CSMD1: variants seen among roughly 807,000 people sequenced by gnomAD.
The protein encoded by CSMD1 is CUB and sushi domain-containing protein 1.
Under a neutral mutation model 417.5 loss-of-function variants are expected in CSMD1, and 213 were observed. The observed-to-expected ratio is 0.51, with a 90% CI of 0.46 to 0.57. The LOEUF is 0.57. Ranked by LOEUF, CSMD1 falls within the 20% of genes least tolerant of loss-of-function variation. CSMD1 has a pLI of 0.00. For missense variants in CSMD1, 6,923 were observed against 4,529.7 expected (o/e 1.53, Z -15.17); for synonymous variants, 2,862 against 1,736.8 (o/e 1.65, Z -16.11).
chr8:4,415,452 G>C (rs918587080), intron 3 of CSMD1, among the ~76,000 whole-genome samples: 1 of 145,832 alleles, frequency 6.9e-6, no homozygotes, highest in East Asian at 2.1e-4. Context: ...CGCTCTTCAG[G>C]TCGTGGCCTG....
At chr8:4,919,974 C>T (rs906150648) in intron 1 of CSMD1, among the ~76,000 whole-genome samples, 1 of 152,136 alleles carries the variant, frequency 6.6e-6, no homozygotes. Flanking sequence ...GACTTCCCAG[C>T]CTCCAGAACC....
rs34432095 is a variant in CSMD1, at chr8:3,373,952, ATTT to A, written c.2783-4585_2783-4583del. ...CTGAGTTGAAGTAAAGCATCCAACT[ATTT>A]TTTTTTTTTTTTTTTGAGATGGAGA... is the stretch of plus-strand genomic sequence containing the variant. On this transcript the variant is annotated intron_variant, in intron 18 of 69. Transcript: ENST00000635120. 6.6e-3 allele frequency among the ~76,000 whole-genome samples: 825 copies of A among 125,536 alleles called. 3 individuals are homozygous for A. The highest frequency in any genetic ancestry group is 9.7e-3 in the Non-Finnish European group (556 of 57,416). 82.4% of individuals were successfully genotyped at this position (125,536 alleles called of 152,430 possible). A position where few individuals can be genotyped will look rare whatever the true frequency, so the allele number is the denominator to read the frequency against.
At chr8:3,864,602 G>C (rs1430133653) in intron 5 of CSMD1, among the ~76,000 whole-genome samples, 1 of 152,086 alleles carries the variant, frequency 6.6e-6, no homozygotes, top group Non-Finnish European at 1.5e-5. Flanking sequence ...ATATCTCCTA[G>C]TGTTATCCCT....
chr8:4,540,291 T>C (rs1242047870), intron 2 of CSMD1, among the ~76,000 whole-genome samples: 2 of 152,082 alleles, frequency 1.3e-5, no homozygotes, highest in Non-Finnish European at 2.9e-5. Flanking sequence ...CATAAACATC[T>C]CACCAAAATT....
intron 2 of CSMD1, among the ~76,000 whole-genome samples, chr8:4,520,102 T>A (rs1803358553): frequency 6.6e-6 from 1 of 152,188 alleles, no homozygotes; most frequent in Non-Finnish European, 1.5e-5. Flanking sequence ...AGTCATGATG[T>A]TCTGGTTTTT....
chr8:4,316,210 A>G (rs1416747866), intron 3 of CSMD1, among the ~76,000 whole-genome samples: 1 of 152,174 alleles, frequency 6.6e-6, no homozygotes, highest in Non-Finnish European at 1.5e-5. Flanking sequence ...CCATATTCTA[A>G]AATTTTATGA....
At chr8:3,823,856 T>A (rs996016526) in intron 5 of CSMD1, among the ~76,000 whole-genome samples, 1 of 152,202 alleles carries the variant, frequency 6.6e-6, no homozygotes, top group Non-Finnish European at 1.5e-5. Context: ...TAAATTAACT[T>A]AATTTAAATA....
At chr8:4,789,151 C>T (rs537452415) in intron 1 of CSMD1, among the ~76,000 whole-genome samples, 11 of 152,220 alleles carry the variant, frequency 7.2e-5, no homozygotes, top group African/African-American at 2.4e-4. Flanking sequence ...AAATGAAATA[C>T]AATGTTGTAT....
chr8:3,777,586 C>A (rs1447013688), intron 5 of CSMD1, among the ~76,000 whole-genome samples: 1 of 152,178 alleles, frequency 6.6e-6, no homozygotes, highest in Non-Finnish European at 1.5e-5. Context: ...AGCTGCCATA[C>A]GGAAGCAGTC....
At chr8:4,199,503 G>C (rs1224187427) in intron 3 of CSMD1, among the ~76,000 whole-genome samples, 1 of 152,172 alleles carries the variant, frequency 6.6e-6, no homozygotes, top group Non-Finnish European at 1.5e-5. Context: ...GGTGTAAAAT[G>C]TCAATTTTCA....
chr8:3,669,154 G>A (rs1798855797), intron 7 of CSMD1, among the ~76,000 whole-genome samples: 1 of 152,160 alleles, frequency 6.6e-6, no homozygotes, highest in African/African-American at 2.4e-5. Flanking sequence ...TTAAAACAAG[G>A]AAAGCACGTA....
intron 2 of CSMD1, among the ~76,000 whole-genome samples, chr8:4,584,998 G>C (rs532123486): frequency 6.6e-6 from 1 of 151,228 alleles, no homozygotes; most frequent in African/African-American, 2.4e-5. Context: ...ACCTCAACCA[G>C]ACTCTCAAAT....
chr8:3,259,197 A>G (rs185768284), intron 26 of CSMD1, among the ~76,000 whole-genome samples: 3 of 152,250 alleles, frequency 2.0e-5, no homozygotes, highest in Non-Finnish European at 4.4e-5. Context: ...CCAGGTATTA[A>G]CAAAGACACC....
intron 23 of CSMD1, among the ~76,000 whole-genome samples, chr8:3,334,886 G>A (rs919130717): frequency 1.3e-5 from 2 of 152,242 alleles, no homozygotes; most frequent in African/African-American, 4.8e-5. Context: ...GCTGCAATGT[G>A]TCACCACTGG....
At position 4,834,375 on chromosome 8, in the gene CSMD1, G is replaced by C. The variant is rs1311806864; in HGVS notation, c.85+159957C>G. Among the ~76,000 whole-genome samples, 9 of 152,114 alleles carry C rather than the reference G, an allele frequency of 5.9e-5. No individual in the cohort carries two copies. In the South Asian group the frequency reaches 1.5e-3, roughly 25 times the overall value. ...ATCATCTGTAGGAAGATATACGTTA[G>C]GAGAGATATAAGCAATATAGCTCTA... On this transcript the variant is annotated intron_variant, in intron 1 of 69. Coordinates refer to ENST00000635120, the MANE Select transcript of CSMD1 (RefSeq NM_033225.6).
At chr8:3,748,783 T>G (rs187813366) in intron 6 of CSMD1, among the ~76,000 whole-genome samples, 21 of 152,316 alleles carry the variant, frequency 1.4e-4, no homozygotes, top group African/African-American at 5.1e-4. Flanking sequence ...GGTATAAAGG[T>G]CTTCATTTTA....
At chr8:4,631,404 T>C (rs1247201286) in intron 2 of CSMD1, among the ~76,000 whole-genome samples, 1 of 151,670 alleles carries the variant, frequency 6.6e-6, no homozygotes. Context: ...GTTTGTTTTT[T>C]TTTTTTTTTA....
At chr8:4,938,967 T>A (rs1387280258) in intron 1 of CSMD1, among the ~76,000 whole-genome samples, 1 of 152,192 alleles carries the variant, frequency 6.6e-6, no homozygotes, top group Non-Finnish European at 1.5e-5. Context: ...TTCTAGTCCT[T>A]TGTCCATGTT....
intron 20 of CSMD1, among the ~76,000 whole-genome samples, chr8:3,361,398 G>T (rs1361931466): frequency 1.3e-5 from 2 of 152,034 alleles, no homozygotes; most frequent in Non-Finnish European, 2.9e-5. Context: ...GGAGGCAGAG[G>T]CGGGTGGATC....
Sources: gnomAD v4.1 joint callset for allele counts (sites outside exome capture counted in the v4.1 genomes callset) on GRCh38, gnomAD v4.1.1 for gene constraint, MANE v1.5 for transcripts, NCBI Gene and HGNC (gene_info 2026-07-23, HGNC 2026-07-21) for gene names.